The following TRIM37 variants were observed in gnomAD, a reference collection of about 807,000 sequenced individuals.
TRIM37 encodes the protein E3 ubiquitin-protein ligase TRIM37.
A neutral mutation model predicts 129.8 loss-of-function variants in TRIM37; 80 were observed. The observed-to-expected ratio is 0.62, with a 90% confidence interval of 0.51 to 0.74. The LOEUF (loss-of-function observed/expected upper bound fraction) is 0.74. TRIM37 is among the 30% of genes least tolerant of loss of function. TRIM37 has a pLI of 0.00. For synonymous variants in TRIM37, 389 were observed against 387.1 expected (o/e 1.00, Z -0.06); for missense variants, 1,054 against 1,176.5 (o/e 0.90, Z 1.52).
chr17:59,048,258 T>C (rs767008292), intron 15 of TRIM37, among the ~76,000 whole-genome samples: 10 of 152,188 alleles, frequency 6.6e-5, no homozygotes, highest in Admixed American at 1.3e-4. Context: ...TTTAACTCAG[T>C]TTATCAAAGG....
chr17:58,991,489 TAAAA>T (rs756860952), intron 24 of TRIM37, among the ~76,000 whole-genome samples: 1 of 151,006 alleles, frequency 6.6e-6, no homozygotes. Flanking sequence ...TGAGCCGAGA[TAAAA>T]AAAAAGTAAT....
At chr17:59,009,076 T>C (rs1318249941) in intron 22 of TRIM37, among the ~76,000 whole-genome samples, 1 of 152,212 alleles carries the variant, frequency 6.6e-6, no homozygotes, top group East Asian at 1.9e-4. Flanking sequence ...AGGCGACAGT[T>C]AAGAGCACTG....
intron 10 of TRIM37, among the ~76,000 whole-genome samples, chr17:59,063,871 G>A (rs1192643146): frequency 6.6e-6 from 1 of 152,168 alleles, no homozygotes; most frequent in Non-Finnish European, 1.5e-5. Flanking sequence ...TCCTCACTTT[G>A]GGCAGGGCAC....
intron 22 of TRIM37, 57 bp downstream of exon 22, chr17:59,012,271 C>T (rs1042901383): frequency 2.8e-5 from 36 of 1,265,402 alleles, no homozygotes; most frequent in Non-Finnish European, 3.7e-5. Context: ...CCACCCACCA[C>T]CAAAAAAGGG....
At chr17:59,019,812 T>G (rs2034013044) in intron 19 of TRIM37, among the ~76,000 whole-genome samples, 1 of 152,140 alleles carries the variant, frequency 6.6e-6, no homozygotes, top group Non-Finnish European at 1.5e-5. Flanking sequence ...TTTAATGGGT[T>G]TGGAGTTCTA....
chr17:59,014,717 A>G (rs1467882995), intron 21 of TRIM37, among the ~76,000 whole-genome samples: 1 of 151,254 alleles, frequency 6.6e-6, no homozygotes, highest in Non-Finnish European at 1.5e-5. Context: ...ATAGACTGAA[A>G]AAAAAAAAAA....
chr17:59,039,422 C>T (rs987327050), intron 17 of TRIM37, among the ~76,000 whole-genome samples: 2 of 150,844 alleles, frequency 1.3e-5, no homozygotes, highest in Admixed American at 6.6e-5. Flanking sequence ...TCTCAGCTCA[C>T]TGCAAGCTCC....
downstream of TRIM37, among the ~76,000 whole-genome samples, chr17:58,997,107 A>G (rs1477765710): frequency 6.6e-6 from 1 of 152,184 alleles, no homozygotes; most frequent in Non-Finnish European, 1.5e-5. Context: ...GAAAAAGAAC[A>G]TTTGTGAAAT....
At chr17:59,037,670 G>T (rs2038701622) in intron 17 of TRIM37, among the ~76,000 whole-genome samples, 1 of 148,560 alleles carries the variant, frequency 6.7e-6, no homozygotes, top group Non-Finnish European at 1.5e-5. Flanking sequence ...GTACAACCCA[G>T]ATCCAATTTC....
At chr17:59,025,883 C>A (rs563686613) in intron 19 of TRIM37, among the ~76,000 whole-genome samples, 14 of 151,988 alleles carry the variant, frequency 9.2e-5, no homozygotes, top group Non-Finnish European at 1.9e-4. Flanking sequence ...CAGGTGAGGC[C>A]GAATATCTTT....
chr17:58,973,522 C>T, the TRIM37 span, among the ~76,000 whole-genome samples: 1 of 150,810 alleles, frequency 6.6e-6, no homozygotes, highest in African/African-American at 2.4e-5. Context: ...TGCTTCAAAC[C>T]ACAGTGGTTG....
chr17:58,993,748 T>C (rs2032689045), downstream of TRIM37, among the ~76,000 whole-genome samples: 1 of 152,110 alleles, frequency 6.6e-6, no homozygotes, highest in African/African-American at 2.4e-5. Flanking sequence ...CACAGAACTG[T>C]ATGCCAGAAA....
chr17:58,982,905 G>A, exon 25 of TRIM37: 1 of 1,573,416 alleles, frequency 6.4e-7, no homozygotes, highest in Non-Finnish European at 8.6e-7. Context: ...TGCAGTGTCA[G>A]TTTCAAATCA....
chr17:59,101,878 G>A (rs918062807), intron 2 of TRIM37, among the ~76,000 whole-genome samples: 1 of 150,450 alleles, frequency 6.6e-6, no homozygotes, highest in African/African-American at 2.4e-5. Context: ...GGCGGAGGTC[G>A]TAGTGACCCA....
At position 59,091,283 on chromosome 17, in the gene TRIM37, C is replaced by T. The variant is rs749479385; in HGVS notation, c.164+17G>A. The T allele has an allele frequency of 2.5e-6, 4 of 1,578,894 alleles. No homozygotes were observed. Among genetic ancestry groups the T allele is most frequent in the Admixed American group, 1.7e-5 (1 of 57,798 alleles). ...ACTATTTTCAAAATTCACAAATAATCGTAAGGAAACACTTACCGGCAATGA... is the reference window on the plus strand; with the variant it reads ...ACTATTTTCAAAATTCACAAATAATTGTAAGGAAACACTTACCGGCAATGA... On this transcript the variant is annotated intron_variant, in intron 3 of 23. Transcript: ENST00000262294.
At chr17:58,989,946 T>C (rs1038493956) in intron 24 of TRIM37, among the ~76,000 whole-genome samples, 8 of 151,528 alleles carry the variant, frequency 5.3e-5, no homozygotes, top group South Asian at 4.2e-4. Context: ...AGCACTTTGG[T>C]TGGCTGAGGT....
downstream of TRIM37, chr17:58,979,856 G>T (rs1057243401): frequency 2.6e-6 from 2 of 780,626 alleles, no homozygotes; most frequent in Non-Finnish European, 4.0e-6. Flanking sequence ...ATTCTTTCCA[G>T]TCAAGTCAGT....
At chr17:59,069,227 T>C (rs2042166989) in intron 9 of TRIM37, among the ~76,000 whole-genome samples, 1 of 151,784 alleles carries the variant, frequency 6.6e-6, no homozygotes, top group Admixed American at 6.6e-5. Flanking sequence ...CATGCCTATA[T>C]TCCCAGCTAC....
chr17:59,053,353 C>A (rs1348718443), intron 13 of TRIM37, among the ~76,000 whole-genome samples: 1 of 152,190 alleles, frequency 6.6e-6, no homozygotes, highest in East Asian at 1.9e-4. Context: ...TGAGCAATGT[C>A]TCATTAATAG....
Sources: gnomAD v4.1 joint callset for allele counts (sites outside exome capture counted in the v4.1 genomes callset) on GRCh38, gnomAD v4.1.1 for gene constraint, MANE v1.5 for transcripts, NCBI Gene and HGNC (gene_info 2026-07-23, HGNC 2026-07-21) for gene names.